Variants in NRG3 observed in about 807,000 individuals in gnomAD.
The protein encoded by NRG3 is pro-neuregulin-3, membrane-bound isoform.
A neutral mutation model predicts 66.9 loss-of-function variants in NRG3; 31 were observed. That is an observed-to-expected ratio of 0.46 (90% CI 0.35 to 0.63). NRG3 has a LOEUF of 0.63. NRG3 is among the 20% of genes least tolerant of loss of function. The pLI is 0.00. For missense variants in NRG3, 910 were observed against 878.9 expected (o/e 1.04, Z -0.45); for synonymous variants, 393 against 359.4 (o/e 1.09, Z -1.06).
intron 1 of NRG3, among the ~76,000 whole-genome samples, chr10:82,306,414 C>A (rs904453781): frequency 6.6e-6 from 1 of 151,932 alleles, no homozygotes; most frequent in African/African-American, 2.4e-5. Context: ...AAAAGTCTGG[C>A]AGAATTCGGC....
chr10:82,603,012 G>T (rs573243451), intron 2 of NRG3, among the ~76,000 whole-genome samples: 1 of 152,340 alleles, frequency 6.6e-6, no homozygotes, highest in African/African-American at 2.4e-5. Context: ...AGGGCAGTCA[G>T]TCTAACAAAT....
intron 1 of NRG3, among the ~76,000 whole-genome samples, chr10:81,896,198 A>T (rs890334844): frequency 3.3e-5 from 5 of 152,088 alleles, no homozygotes; most frequent in South Asian, 4.1e-4. Context: ...AAGCCAACTT[A>T]ACCAGCATGC....
intron 1 of NRG3, among the ~76,000 whole-genome samples, chr10:82,101,323 TATC>T (rs2066709482): frequency 6.6e-6 from 1 of 151,892 alleles, no homozygotes; most frequent in Non-Finnish European, 1.5e-5. Flanking sequence ...ATTTCAGTAA[TATC>T]AACTTATTAT....
chr10:82,831,622 C>T (rs535351307), intron 3 of NRG3, among the ~76,000 whole-genome samples: 7 of 152,100 alleles, frequency 4.6e-5, no homozygotes, highest in East Asian at 3.9e-4. Context: ...CAAAACCAGC[C>T]TGACCAACAG....
intron 1 of NRG3, among the ~76,000 whole-genome samples, chr10:81,948,696 A>G (rs1849065600): frequency 6.6e-6 from 1 of 152,178 alleles, no homozygotes; most frequent in Non-Finnish European, 1.5e-5. Flanking sequence ...TTTCACTTTT[A>G]CCAGCTTCAG....
chr10:82,494,034 A>G (rs887293972), intron 2 of NRG3, among the ~76,000 whole-genome samples: 19 of 152,344 alleles, frequency 1.2e-4, no homozygotes, highest in African/African-American at 3.8e-4. Flanking sequence ...CAAAACCACA[A>G]TGAAATACCA....
chr10:82,366,230 A>T (rs981575825), intron 2 of NRG3, among the ~76,000 whole-genome samples: 3 of 152,218 alleles, frequency 2.0e-5, no homozygotes, highest in Non-Finnish European at 4.4e-5. Context: ...TGACTGTGAA[A>T]TAGATACTAT....
rs549193653 is a variant in NRG3, at chr10:82,860,031, T to G, written c.1028-5380T>G. Among the ~76,000 whole-genome samples, 8 of 152,286 alleles carry G rather than the reference T, an allele frequency of 5.3e-5. No individual in the cohort carries two copies. In the South Asian group the frequency reaches 1.0e-3, roughly 20 times the overall value. On this transcript the variant is annotated intron_variant, in intron 3 of 8. Transcript: ENST00000372141. ...TGCTGGCATTTATTAAGTATGTTGC[T>G]AGTTGTAAGATCATTTGGTTCAATG...
At chr10:82,494,518 T>A (rs1432065898) in intron 2 of NRG3, among the ~76,000 whole-genome samples, 1 of 152,054 alleles carries the variant, frequency 6.6e-6, no homozygotes, top group African/African-American at 2.4e-5. Context: ...TGCGTGAGAA[T>A]TAGATATTAA....
chr10:82,729,985 G>A (rs2644207), intron 2 of NRG3, among the ~76,000 whole-genome samples: 2 of 151,860 alleles, frequency 1.3e-5, no homozygotes, highest in African/African-American at 4.8e-5. Context: ...AAATTCACAC[G>A]TAAAAACCAT....
chr10:82,820,064 C>T (rs1432697764), intron 3 of NRG3, among the ~76,000 whole-genome samples: 1 of 152,088 alleles, frequency 6.6e-6, no homozygotes, highest in Non-Finnish European at 1.5e-5. Flanking sequence ...AGGATGGTTT[C>T]CGAGAGCAAC....
chr10:82,962,612 G>A (rs1409466557), intron 6 of NRG3, among the ~76,000 whole-genome samples: 5 of 152,158 alleles, frequency 3.3e-5, no homozygotes, highest in African/African-American at 9.7e-5. Flanking sequence ...GCCAAAGCAG[G>A]TGGATCACCT....
chr10:82,565,896 T>G lies in NRG3; in HGVS notation c.954-172681T>G, dbSNP rs115713184. Among the ~76,000 whole-genome samples, 1,144 of 152,210 alleles carry G rather than the reference T, an allele frequency of 7.5e-3. 18 individuals are homozygous for G. Among genetic ancestry groups the G allele is most frequent in the African/African-American group, 0.026 (1,061 of 41,548 alleles). On this transcript the variant is annotated intron_variant, in intron 2 of 8. Transcript: ENST00000372141. ...GAAAACAAAACACGCAGGCTTCTAATGAGAAGTCGCATGATACAGACTTTA... is the reference window on the plus strand; with the variant it reads ...GAAAACAAAACACGCAGGCTTCTAAGGAGAAGTCGCATGATACAGACTTTA...
chr10:82,286,129 G>C (rs936169447), intron 1 of NRG3, among the ~76,000 whole-genome samples: 2 of 152,122 alleles, frequency 1.3e-5, no homozygotes, highest in Non-Finnish European at 2.9e-5. Flanking sequence ...TCCCAATGGG[G>C]GTGAGGAGCG....
At chr10:82,952,077 G>T (rs1374215662) in intron 5 of NRG3, among the ~76,000 whole-genome samples, 1 of 152,166 alleles carries the variant, frequency 6.6e-6, no homozygotes, top group African/African-American at 2.4e-5. Flanking sequence ...TGTTGAATAT[G>T]CCCTAAAGTT....
At chr10:82,576,431 G>A (rs2046040184) in intron 2 of NRG3, among the ~76,000 whole-genome samples, 1 of 151,368 alleles carries the variant, frequency 6.6e-6, no homozygotes, top group African/African-American at 2.4e-5. Context: ...TCTTTCCAAT[G>A]GGCCTGAGCT....
chr10:82,289,293 T>C lies in NRG3; in HGVS notation c.824-69446T>C, dbSNP rs143330683. Among the ~76,000 whole-genome samples the C allele has an allele frequency of 3.9e-5, 6 of 151,938 alleles. 1 individual carries two copies. The highest frequency in any genetic ancestry group is 3.9e-4 in the East Asian group (2 of 5,172). ...AGTAGTACCTGTCTCTCTGTCCCCC[T>C]TTTCTCCCCCTCCTCAGGCAAAATC... On this transcript the variant is annotated intron_variant, in intron 1 of 8. Transcript: ENST00000372141.
At chr10:82,158,897 C>T (rs1290619207) in intron 1 of NRG3, among the ~76,000 whole-genome samples, 4 of 151,838 alleles carry the variant, frequency 2.6e-5, no homozygotes, top group East Asian at 3.9e-4. Flanking sequence ...AGTTTACTCA[C>T]TCAAGCTTTC....
At chr10:81,968,310 T>G (rs1219069713) in intron 1 of NRG3, among the ~76,000 whole-genome samples, 1 of 152,220 alleles carries the variant, frequency 6.6e-6, no homozygotes, top group African/African-American at 2.4e-5. Context: ...AATTAAACTC[T>G]GTCCTAATCA....
Sources: allele counts gnomAD v4.1 joint callset (sites outside exome capture counted in the v4.1 genomes callset), GRCh38; gene constraint gnomAD v4.1.1; transcripts MANE v1.5; gene names NCBI Gene and HGNC (gene_info 2026-07-23, HGNC 2026-07-21).